Variants in SCN2A observed in about 807,000 individuals in gnomAD.
SCN2A encodes the protein sodium voltage-gated channel alpha subunit 2.
Under a neutral mutation model 188.7 loss-of-function variants are expected in SCN2A, and 20 were observed. That is an observed-to-expected ratio of 0.11 (90% CI 0.07 to 0.15). The LOEUF (loss-of-function observed/expected upper bound fraction) is 0.15. Among genes scored for constraint, SCN2A ranks in the 10% least tolerant of loss-of-function variants. The pLI is 1.00. For missense variants in SCN2A, 1,278 were observed against 2,445.0 expected (o/e 0.52, Z 10.07); for synonymous variants, 804 against 833.1 (o/e 0.97, Z 0.60).
chr2:165,286,986 C>T (rs1381627043), intron 1 of SCN2A, among the ~76,000 whole-genome samples: 1 of 152,128 alleles, frequency 6.6e-6, no homozygotes, highest in Non-Finnish European at 1.5e-5. Flanking sequence ...CCATAGAGGT[C>T]TGCAGCAAAC....
chr2:165,328,831 T>C (rs1190581209), intron 13 of SCN2A, among the ~76,000 whole-genome samples: 1 of 152,140 alleles, frequency 6.6e-6, no homozygotes, highest in African/African-American at 2.4e-5. Context: ...TGAGAAATAA[T>C]GGCCAAGTTT....
At chr2:165,306,504 TTGTGTGTGTGTGTGTGTGTGTG>T (rs10524719) in intron 3 of SCN2A, among the ~76,000 whole-genome samples, 10,337 of 147,402 alleles carry the variant, frequency 0.07, 496 homozygotes, top group Middle Eastern at 0.18. Flanking sequence ...AAATGGTATT[TTGTGTGTGTGTGTGTGTGTGTG>T]TGTGTGTGTG....
At chr2:165,323,787 T>C (rs1698192095) in intron 12 of SCN2A, among the ~76,000 whole-genome samples, 1 of 152,200 alleles carries the variant, frequency 6.6e-6, no homozygotes, top group African/African-American at 2.4e-5. Flanking sequence ...TTATCAAGCA[T>C]AATGTTTGAT....
intron 1 of SCN2A, among the ~76,000 whole-genome samples, chr2:165,277,002 C>G (rs1695371911): frequency 6.6e-6 from 1 of 151,998 alleles, no homozygotes. Flanking sequence ...GGTGAAACCC[C>G]ATCTCTACTA....
intron 1 of SCN2A, chr2:165,273,640 T>G (rs2106109095): frequency 6.6e-6 from 1 of 152,234 alleles, no homozygotes; most frequent in Non-Finnish European, 1.5e-5. Flanking sequence ...CAAAATAAAA[T>G]GTAGTTTATA....
chr2:165,351,871 GTT>G (rs3030633), intron 16 of SCN2A, among the ~76,000 whole-genome samples: 4 of 135,824 alleles, frequency 2.9e-5, no homozygotes, highest in African/African-American at 5.6e-5. Flanking sequence ...AGCTGTGCTT[GTT>G]TTTTTTTTTT....
chr2:165,267,648 A>G (rs1694929687), intron 1 of SCN2A: 1 of 151,990 alleles, frequency 6.6e-6, no homozygotes, highest in Non-Finnish European at 1.5e-5. Flanking sequence ...AACAGAATGA[A>G]AAGACAACCT....
chr2:165,310,185 T>C, intron 6 of SCN2A, 138 bp from the exon 7 acceptor site: 1 of 942,588 alleles, frequency 1.1e-6, no homozygotes, highest in South Asian at 1.4e-5. Flanking sequence ...AAAATGTTAT[T>C]CAATCACAAA....
intron 16 of SCN2A, among the ~76,000 whole-genome samples, chr2:165,351,363 T>C (rs1559381668): frequency 6.6e-6 from 1 of 152,182 alleles, no homozygotes; most frequent in Non-Finnish European, 1.5e-5. Context: ...TTATTTATTT[T>C]CCTGACAGTG....
At chr2:165,270,811 ACTTCAGATCTC>A (rs1203283597) in intron 1 of SCN2A, 8 of 152,156 alleles carry the variant, frequency 5.3e-5, no homozygotes, top group Non-Finnish European at 1.0e-4. Flanking sequence ...CTGCACATCA[ACTTCAGATCTC>A]AATGCTGTTA....
chr2:165,337,786 A>G (rs1699081188), intron 14 of SCN2A, among the ~76,000 whole-genome samples: 1 of 152,240 alleles, frequency 6.6e-6, no homozygotes, highest in Non-Finnish European at 1.5e-5. Context: ...CTACACTACA[A>G]GAAATGTTAA....
intron 1 of SCN2A, among the ~76,000 whole-genome samples, chr2:165,290,010 C>A (rs4387807): frequency 0.26 from 39,389 of 152,004 alleles, 5,278 homozygotes; most frequent in African/African-American, 0.28. Context: ...TGACCCTACT[C>A]TTTCCAGTTG....
At chr2:165,315,327 A>T (rs1405497848) in intron 10 of SCN2A, 144 bp from the exon 11 acceptor site, 1 of 1,327,532 alleles carries the variant, frequency 7.5e-7, no homozygotes, top group Non-Finnish European at 1.0e-6. Context: ...GTCTAATAAC[A>T]ATGTACTGTT....
chr2:165,364,142 T>G (rs544546616), intron 17 of SCN2A, among the ~76,000 whole-genome samples: 3 of 152,294 alleles, frequency 2.0e-5, no homozygotes, highest in South Asian at 4.1e-4. Context: ...TCATCCTTTT[T>G]ATAAAGTATC....
chr2:165,273,153 G>A (rs916700439), intron 1 of SCN2A: 13 of 152,088 alleles, frequency 8.5e-5, no homozygotes, highest in African/African-American at 3.1e-4. Context: ...ATCTCTTATA[G>A]CAATGTGCAT....
chr2:165,354,364 G>A lies in SCN2A; in HGVS notation c.3092G>A (p.Arg1031Lys), dbSNP rs1406134992. The A allele has an allele frequency of 6.2e-7, 1 of 1,613,944 alleles. No homozygotes were observed. Among genetic ancestry groups the A allele is most frequent in the Non-Finnish European group, 8.5e-7 (1 of 1,179,932 alleles). The change falls in exon 17 of 27, where the codon AGG becomes AAG. Residue 1031 changes from arginine (R) to lysine (K), a missense_variant. This residue lies in a region of SCN2A where 228 missense variants were observed against 297.3 expected (regional missense o/e 0.77). Coordinates refer to ENST00000375437, the MANE Select transcript of SCN2A (RefSeq NM_001040142.2). ...GAATTTATTCAGAAAGCCTTTGTTAGGAAGCAGAAAGCTTTAGATGAAATT... is the reference window on the plus strand; with the variant it reads ...GAATTTATTCAGAAAGCCTTTGTTAAGAAGCAGAAAGCTTTAGATGAAATT... ...IREFIQKAFV[R>K]KQKALDEIKP...
rs769927499 is a variant in SCN2A, at chr2:165,344,617, C to T, written c.2625C>T (p.Gly875=). The change falls in exon 16 of 27, where the codon GGC becomes GGT. Residue 875 remains glycine, a synonymous_variant. Coordinates refer to ENST00000375437, the MANE Select transcript of SCN2A (RefSeq NM_001040142.2). ...PTLNMLIKII[G]NSVGALGNLT... ...TAAATATGCTAATTAAGATCATTGG[C>T]AATTCTGTGGGGGCTCTAGGAAACC... is the stretch of plus-strand genomic sequence containing the variant. The T allele has an allele frequency of 2.5e-6, 4 of 1,614,096 alleles. No homozygotes were observed. The highest frequency in any genetic ancestry group is 3.4e-6 in the Non-Finnish European group (4 of 1,180,024).
chr2:165,309,442 A>G lies in SCN2A; in HGVS notation c.696A>G (p.Pro232=). 6.2e-7 allele frequency: 1 copy of G among 1,613,596 alleles called. No individual in the cohort carries two copies. Among genetic ancestry groups the G allele is most frequent in the Non-Finnish European group, 8.5e-7 (1 of 1,179,648 alleles). ...CATTGAAAACAATTTCAGTCATTCC[A>G]GGTGAGAGCTAGGTTAAACACCGAG... ...LRALKTISVI[P]GLKTIVGALI... The change falls in exon 6 of 27, where the codon CCA becomes CCG. Residue 232 remains proline, a splice_region_variant and synonymous_variant. Coordinates refer to ENST00000375437, the MANE Select transcript of SCN2A (RefSeq NM_001040142.2).
chr2:165,282,193 A>C (rs756453953), intron 1 of SCN2A, among the ~76,000 whole-genome samples: 1 of 152,164 alleles, frequency 6.6e-6, no homozygotes, highest in Non-Finnish European at 1.5e-5. Flanking sequence ...ACTCAGTGGG[A>C]GAGAGCTTCT....
Sources: gnomAD v4.1 joint callset for allele counts (sites outside exome capture counted in the v4.1 genomes callset) on GRCh38, gnomAD v4.1.1 for gene constraint, gnomAD v4.1.1 regional missense constraint, MANE v1.5 for transcripts, NCBI Gene and HGNC (gene_info 2026-07-23, HGNC 2026-07-21) for gene names.